Variants in PHACTR3 observed in about 807,000 individuals in gnomAD.
PHACTR3 encodes the protein protein phosphatase 1, regulatory subunit 123.
A neutral mutation model predicts 66.8 loss-of-function variants in PHACTR3; 16 were observed. The ratio of observed to expected loss-of-function variants is 0.24; its 90% CI spans 0.16 to 0.36. The LOEUF (loss-of-function observed/expected upper bound fraction) is 0.36, where lower values mean the gene tolerates loss of function less well. PHACTR3 is among the 10% of genes least tolerant of loss of function. The pLI is 1.00. For synonymous variants in PHACTR3, 323 were observed against 292.1 expected, an observed-to-expected ratio of 1.11 and a Z score of -1.08; for missense variants, 647 against 719.9, an observed-to-expected ratio of 0.90 and a Z score of 1.16.
chr20:59,818,091 G>A (rs1046051296), intron 8 of PHACTR3, among the ~76,000 whole-genome samples: 1 of 152,178 alleles, frequency 6.6e-6, no homozygotes, highest in African/African-American at 2.4e-5. Flanking sequence ...TATGTGAGGG[G>A]GCCCTTGTGT....
intron 1 of PHACTR3, among the ~76,000 whole-genome samples, chr20:59,741,060 G>A (rs929212482): frequency 2.0e-5 from 3 of 152,178 alleles, no homozygotes; most frequent in Admixed American, 6.5e-5. Context: ...CCTTCCCCTC[G>A]AACACTGGTG....
rs2041155129 is a variant in PHACTR3, at chr20:59,793,177, C to A, written c.1175-12864C>A. 3.3e-5 allele frequency among the ~76,000 whole-genome samples: 5 copies of A among 152,198 alleles called. No individual in the cohort carries two copies. The South Asian group carries it at 1.0e-3, about 32-fold the overall frequency. Reference sequence around the variant, plus strand: ...GTGTTGGGATTACAGGTGTGAGCCCCTGCACCCAGCCTATAGTAGTATATC... The same window carrying A: ...GTGTTGGGATTACAGGTGTGAGCCCATGCACCCAGCCTATAGTAGTATATC... On this transcript the variant is annotated intron_variant, in intron 7 of 12. Coordinates refer to ENST00000371015, the MANE Select transcript of PHACTR3 (RefSeq NM_080672.5).
intron 1 of PHACTR3, among the ~76,000 whole-genome samples, chr20:59,631,494 C>G (rs1164451517): frequency 6.6e-6 from 1 of 152,024 alleles, no homozygotes; most frequent in Non-Finnish European, 1.5e-5. Context: ...AGAGGTAGGA[C>G]TTTGTCTTGG....
intron 1 of PHACTR3, chr20:59,676,791 G>A (rs2036462198): frequency 2.1e-6 from 2 of 941,970 alleles, no homozygotes; most frequent in African/African-American, 1.8e-5. Flanking sequence ...CACATCTCTG[G>A]TGAGGCAGAG....
At position 59,605,804 on chromosome 20, in the gene PHACTR3, T is replaced by A. The variant is rs116216586; in HGVS notation, c.118+672T>A. ...CCGGTCACAAAGGCGTCTATAGGGCTTGATTGATTACTTTCCAGAGAGGAA... is the reference window on the plus strand; with the variant it reads ...CCGGTCACAAAGGCGTCTATAGGGCATGATTGATTACTTTCCAGAGAGGAA... On this transcript the variant is annotated intron_variant, in intron 1 of 12. Transcript: ENST00000371015. Among the ~76,000 whole-genome samples, 336 of 136,290 alleles carry A rather than the reference T, an allele frequency of 2.5e-3. 3 individuals are homozygous for A. Among genetic ancestry groups the A allele is most frequent in the African/African-American group, 8.6e-3 (317 of 36,772 alleles). 89.4% of individuals were successfully genotyped at this position (136,290 alleles called of 152,430 possible). A position where few individuals can be genotyped will look rare whatever the true frequency, so the allele number is the denominator to read the frequency against.
intron 1 of PHACTR3, among the ~76,000 whole-genome samples, chr20:59,606,310 C>CA (rs1013922536): frequency 5.9e-5 from 9 of 151,526 alleles, no homozygotes; most frequent in Admixed American, 5.9e-4. Flanking sequence ...CCCTCCCCCC[C>CA]CCATTTGAAA....
At chr20:59,776,700 C>T (rs886797814) in intron 7 of PHACTR3, among the ~76,000 whole-genome samples, 22 of 151,976 alleles carry the variant, frequency 1.4e-4, no homozygotes, top group African/African-American at 4.8e-4. Flanking sequence ...TTTCACCTCT[C>T]GGGAGCCTCA....
intron 1 of PHACTR3, among the ~76,000 whole-genome samples, chr20:59,673,582 T>G (rs1364269176): frequency 6.6e-6 from 1 of 152,008 alleles, no homozygotes; most frequent in Non-Finnish European, 1.5e-5. Flanking sequence ...CACCTGGGGC[T>G]CCCAAACACA....
intron 7 of PHACTR3, among the ~76,000 whole-genome samples, chr20:59,785,209 C>T (rs1243095546): frequency 6.6e-6 from 1 of 152,162 alleles, no homozygotes; most frequent in Non-Finnish European, 1.5e-5. Flanking sequence ...AAGGTGATTT[C>T]CAGTGAGGCC....
At chr20:59,712,646 G>T (rs1289274720) in intron 1 of PHACTR3, among the ~76,000 whole-genome samples, 1 of 152,288 alleles carries the variant, frequency 6.6e-6, no homozygotes, top group Non-Finnish European at 1.5e-5. Flanking sequence ...TGGCCAGATA[G>T]AATTCACTGA....
intron 1 of PHACTR3, among the ~76,000 whole-genome samples, chr20:59,612,967 G>C (rs1169935682): frequency 6.6e-6 from 1 of 152,006 alleles, no homozygotes; most frequent in Non-Finnish European, 1.5e-5. Context: ...GAGGTGCCAG[G>C]CTTTTTTAAA....
intron 1 of PHACTR3, among the ~76,000 whole-genome samples, chr20:59,581,880 C>CAAAA (rs11478164): frequency 7.5e-6 from 1 of 133,474 alleles, no homozygotes; most frequent in Non-Finnish European, 1.7e-5. Context: ...GACTCCGTCT[C>CAAAA]AAAAAAAAAA....
chr20:59,756,008 G>A (rs2039780621), intron 4 of PHACTR3, among the ~76,000 whole-genome samples: 1 of 152,194 alleles, frequency 6.6e-6, no homozygotes, highest in Admixed American at 6.5e-5. Flanking sequence ...GAGGAACTTA[G>A]CAGTGTCTGA....
intron 7 of PHACTR3, among the ~76,000 whole-genome samples, chr20:59,782,967 C>T (rs1468433732): frequency 2.0e-5 from 3 of 152,130 alleles, no homozygotes; most frequent in Non-Finnish European, 4.4e-5. Flanking sequence ...TTGCAGGCTC[C>T]GGGATCCTTT....
intron 1 of PHACTR3, among the ~76,000 whole-genome samples, chr20:59,623,517 C>T (rs749719565): frequency 2.6e-5 from 4 of 152,232 alleles, no homozygotes; most frequent in African/African-American, 4.8e-5. Flanking sequence ...TTCTTGTGTA[C>T]GCTCTCAGGA....
At chr20:59,816,036 A>G (rs539435934) in intron 8 of PHACTR3, among the ~76,000 whole-genome samples, 1 of 152,036 alleles carries the variant, frequency 6.6e-6, no homozygotes, top group Non-Finnish European at 1.5e-5. Flanking sequence ...TTATTATTAC[A>G]TTGTAATATA....
At chr20:59,648,400 T>C (rs2035355997) in intron 1 of PHACTR3, among the ~76,000 whole-genome samples, 1 of 152,190 alleles carries the variant, frequency 6.6e-6, no homozygotes, top group Admixed American at 6.5e-5. Flanking sequence ...ATGGCCTGAT[T>C]GGGCAAGGGG....
chr20:59,704,412 C>T lies in PHACTR3; in HGVS notation c.119-38695C>T, dbSNP rs115438433. 2.1e-3 allele frequency among the ~76,000 whole-genome samples: 317 copies of T among 152,168 alleles called. 1 individual carries two copies. The highest frequency in any genetic ancestry group is 7.2e-3 in the African/African-American group (301 of 41,534). ...GGTCTCCATCACCAAGAGAAAGCAA[C>T]CTGCTTTCTCTCCTGGATTATTTTC... is the stretch of plus-strand genomic sequence containing the variant. On this transcript the variant is annotated intron_variant, in intron 1 of 12. Transcript: ENST00000371015.
intron 1 of PHACTR3, among the ~76,000 whole-genome samples, chr20:59,627,188 T>G (rs1203820023): frequency 2.0e-5 from 3 of 152,110 alleles, no homozygotes; most frequent in African/African-American, 7.2e-5. Flanking sequence ...TCTTGGAGCT[T>G]TCAGAGAATG....
Sources: gnomAD v4.1 joint callset for allele counts (sites outside exome capture counted in the v4.1 genomes callset) on GRCh38, gnomAD v4.1.1 for gene constraint, MANE v1.5 for transcripts, NCBI Gene and HGNC (gene_info 2026-07-23, HGNC 2026-07-21) for gene names.